REEP2: variants seen among roughly 807,000 people sequenced by gnomAD.
REEP2 encodes the protein receptor expression-enhancing protein 2.
In REEP2, 9 loss-of-function variants were observed where a neutral mutation model predicts 32.1. The ratio of observed to expected loss-of-function variants is 0.28; its 90% CI spans 0.17 to 0.49. The LOEUF (loss-of-function observed/expected upper bound fraction) is 0.49. Ranked by LOEUF, REEP2 falls within the 20% of genes least tolerant of loss-of-function variation. The probability of loss-of-function intolerance (pLI) is 0.99; values close to 1 mark genes in which losing one functional copy is unlikely to be tolerated. For synonymous variants in REEP2, 128 were observed against 139.1 expected (o/e 0.92, Z 0.56); for missense variants, 236 against 338.0 (o/e 0.70, Z 2.37).
intron 3 of REEP2, 194 bp from the exon 4 acceptor site, chr5:138,444,221 T>A: frequency 1.8e-6 from 1 of 563,534 alleles, no homozygotes; most frequent in East Asian, 3.1e-5. Flanking sequence ...ACTGCTTACC[T>A]TCCTGTTTGG....
In REEP2 at chr5:138,446,235, G is replaced by GGCCTCCAGGTGCA. The variant is rs1369794528; in HGVS notation, c.*487_*499dup. 6.3e-6 allele frequency: 1 copy of GGCCTCCAGGTGCA among 158,068 alleles called. No individual in the cohort carries two copies. The highest frequency in any genetic ancestry group is 2.4e-5 in the African/African-American group (1 of 41,494). 9.8% of individuals were successfully genotyped at this position (158,068 alleles called of 1,614,324 possible). On this transcript the variant is annotated 3_prime_UTR_variant, in exon 8 of 8. Transcript: ENST00000378339. ...GGAGGACGTTGGGGACCCTGGGTGG[G>GGCCTCCAGGTGCA]GCCTCCAGGTGCAGCTGTGGATGGA...
At chr5:138,440,234 G>T (rs959047860) in intron 1 of REEP2, among the ~76,000 whole-genome samples, 4 of 152,208 alleles carry the variant, frequency 2.6e-5, no homozygotes, top group Non-Finnish European at 5.9e-5. Flanking sequence ...GGTACAGCCG[G>T]GCCGGCCAAG....
chr5:138,441,470 C>T lies in REEP2; in HGVS notation c.182+9C>T, dbSNP rs994042154. The T allele has an allele frequency of 1.2e-6, 2 of 1,613,258 alleles. No individual in the cohort carries two copies. The highest frequency in any genetic ancestry group is 3.3e-5 in the Admixed American group (2 of 60,002). On this transcript the variant is annotated intron_variant, in intron 3 of 7. Transcript: ENST00000378339. This position sits in a 1 kb window ranked among gnomAD's most constrained non-coding sequence, Gnocchi z 4.4. ...GATATAGTGCTCTCCTGGTGAGGTCCAGCGTCCCCTCCTGTATCTCAGGGC... is the reference window on the plus strand; with the variant it reads ...GATATAGTGCTCTCCTGGTGAGGTCTAGCGTCCCCTCCTGTATCTCAGGGC...
chr5:138,439,568 C>T, intron 1 of REEP2: 3 of 498,024 alleles, frequency 6.0e-6, no homozygotes, highest in Non-Finnish European at 1.2e-5. Flanking sequence ...TCCCCTCCCC[C>T]ACCTAGCAGG....
chr5:138,445,847 T>A lies in REEP2; in HGVS notation c.*96T>A. 1 of 1,240,296 alleles carries A rather than the reference T, an allele frequency of 8.1e-7. No individual in the cohort carries two copies. The highest frequency in any genetic ancestry group is 1.1e-6 in the Non-Finnish European group (1 of 890,608). The allele number at this position is 1,240,296 out of a possible 1,614,324, so 76.8% of individuals were successfully genotyped here. A position where few individuals can be genotyped will look rare whatever the true frequency, so the allele number is the denominator to read the frequency against. The stretch of plus-strand genomic sequence containing the variant: ...CCACACTGTGCCAGTAGCCTAGGTG[T>A]CTCAGGCCCCTGGGCCCCGCAGATG... On this transcript the variant is annotated 3_prime_UTR_variant, in exon 8 of 8. Transcript: ENST00000378339.
At position 138,445,903 on chromosome 5, in the gene REEP2, C is replaced by A; in HGVS notation, c.*152C>A. The A allele has an allele frequency of 1.4e-6, 1 of 717,326 alleles. No homozygotes were observed. The highest frequency in any genetic ancestry group is 2.3e-6 in the Non-Finnish European group (1 of 432,172). 44.4% of individuals were successfully genotyped at this position (717,326 alleles called of 1,614,324 possible). A position where few individuals can be genotyped will look rare whatever the true frequency, so the allele number is the denominator to read the frequency against. ...TTCCGGTGCCTGCCCAGTGGCCACT[C>A]TTCTGGAAGGGGCTTGGAAAAGAGG... is the stretch of plus-strand genomic sequence containing the variant. On this transcript the variant is annotated 3_prime_UTR_variant, in exon 8 of 8. Coordinates refer to ENST00000378339, the MANE Select transcript of REEP2 (RefSeq NM_001271803.2).
chr5:138,439,642 G>A (rs1297065578), intron 1 of REEP2: 1 of 465,220 alleles, frequency 2.1e-6, no homozygotes, highest in East Asian at 6.6e-5. Context: ...CAGGGTGATG[G>A]AAGAGAGTGG....
intron 1 of REEP2, among the ~76,000 whole-genome samples, chr5:138,440,516 T>TG: frequency 6.6e-6 from 1 of 152,330 alleles, no homozygotes; most frequent in Middle Eastern, 3.4e-3. Flanking sequence ...CTCCTGCCCC[T>TG]GTGCCCTCTG....
In REEP2 at chr5:138,446,324, CT is replaced by C; in HGVS notation, c.*577del. 6.5e-6 allele frequency: 1 copy of C among 153,886 alleles called. No homozygotes were observed. Among genetic ancestry groups the C allele is most frequent in the Non-Finnish European group, 1.4e-5 (1 of 69,296 alleles). 9.5% of individuals were successfully genotyped at this position (153,886 alleles called of 1,614,324 possible). A position where few individuals can be genotyped will look rare whatever the true frequency, so the allele number is the denominator to read the frequency against. On this transcript the variant is annotated 3_prime_UTR_variant, in exon 8 of 8. Transcript: ENST00000378339. ...CAGGCCAGAGCTGCAGCTGGGGGCT[CT>C]TTTCCTGGTCATTGGGTGGGGCTGA...
Position 138,441,219 on chromosome 5 carries a change from A to G in REEP2, c.105+131A>G. 7.2e-7 allele frequency: 1 copy of G among 1,382,574 alleles called. No individual in the cohort carries two copies. The allele number at this position is 1,382,574 out of a possible 1,614,324, so 85.6% of individuals were successfully genotyped here. A position where few individuals can be genotyped will look rare whatever the true frequency, so the allele number is the denominator to read the frequency against. On this transcript the variant is annotated intron_variant, in intron 2 of 7. Coordinates refer to ENST00000378339, the MANE Select transcript of REEP2 (RefSeq NM_001271803.2). The surrounding 1 kb of genome is among the most constrained non-coding windows in gnomAD (Gnocchi z 4.4). ...CACTAACAAGACCCACCAGCAAAGG[A>G]GGGCCCTGGGTGTCCCACACAGCGC...
At position 138,446,835 on chromosome 5, in the gene REEP2, T is replaced by C. The variant is rs573092835; in HGVS notation, c.*1084T>C. On this transcript the variant is annotated 3_prime_UTR_variant, in exon 8 of 8. Coordinates refer to ENST00000378339, the MANE Select transcript of REEP2 (RefSeq NM_001271803.2). ...GCCCCAGCTTCTGCCACGGCTTCAG[T>C]CAGGGCCAGGAGGAACACGTGAAGG... is the stretch of plus-strand genomic sequence containing the variant. 1 of 152,476 alleles carries C rather than the reference T, an allele frequency of 6.6e-6. No homozygotes were observed. The highest frequency in any genetic ancestry group is 2.1e-4 in the South Asian group (1 of 4,820). 9.4% of individuals were successfully genotyped at this position (152,476 alleles called of 1,614,324 possible).
intron 1 of REEP2, chr5:138,439,554 C>G: frequency 4.0e-6 from 2 of 498,970 alleles, no homozygotes; most frequent in Non-Finnish European, 7.6e-6. Context: ...GGGAGGCAGG[C>G]GCGTCCCCTC....
Position 138,445,836 on chromosome 5 carries a change from T to A in REEP2, c.*85T>A. ...CAGCCCCTGCTCCACACTGTGCCAG[T>A]AGCCTAGGTGTCTCAGGCCCCTGGG... On this transcript the variant is annotated 3_prime_UTR_variant, in exon 8 of 8. Transcript: ENST00000378339. 1 of 1,346,374 alleles carries A rather than the reference T, an allele frequency of 7.4e-7. No individual in the cohort carries two copies. The highest frequency in any genetic ancestry group is 1.0e-6 in the Non-Finnish European group (1 of 979,436). 83.4% of individuals were successfully genotyped at this position (1,346,374 alleles called of 1,614,324 possible).
chr5:138,441,442 AC>A lies in REEP2; in HGVS notation c.164del (p.Thr55ArgfsTer3). ...FAFFTTAETL[T>X]DIVLSWFPFY... ...CTTCTTCACCACGGCCGAGACGCTCACGGATATAGTGCTCTCCTGGTGAGGT... is the reference window on the plus strand; with the variant it reads ...CTTCTTCACCACGGCCGAGACGCTCAGGATATAGTGCTCTCCTGGTGAGGT... On this transcript the variant is annotated frameshift_variant, in exon 3 of 8. Coordinates refer to ENST00000378339, the MANE Select transcript of REEP2 (RefSeq NM_001271803.2). LOFTEE classifies it high-confidence loss of function. This position sits in a 1 kb window ranked among gnomAD's most constrained non-coding sequence, Gnocchi z 4.4. 1 of 1,614,124 alleles carries A rather than the reference AC, an allele frequency of 6.2e-7. No individual in the cohort carries two copies. Among genetic ancestry groups the A allele is most frequent in the Non-Finnish European group, 8.5e-7 (1 of 1,180,000 alleles).
At position 138,445,507 on chromosome 5, in the gene REEP2, C is replaced by T. The variant is rs111927109; in HGVS notation, c.605C>T (p.Pro202Leu). Residue 202 changes from proline to leucine, a missense_variant, in exon 7 of 8, where the codon CCG becomes CTG. Physicochemically the swap from Pro to Leu is moderately conservative, Grantham distance 98 (BLOSUM62 -3). Transcript: ENST00000378339. ...CTGAGTCTAAGGTCCAGCACAAACC[C>T]GGCAGATTCCCGGACAGAGGCTTCT... is the stretch of plus-strand genomic sequence containing the variant. ...PALSLRSSTN[P>L]ADSRTEASED... The T allele has an allele frequency of 4.0e-4, 644 of 1,614,168 alleles. 3 individuals carry two copies. The African/African-American group carries it at 5.7e-3, about 14-fold the overall frequency.
chr5:138,445,071 G>A, intron 5 of REEP2, 157 bp from the exon 6 acceptor site: 1 of 915,378 alleles, frequency 1.1e-6, no homozygotes, highest in Non-Finnish European at 1.7e-6. Context: ...GAGGCAAAGT[G>A]TGGCCCTGCC....
rs1383960005 is a variant in REEP2, at chr5:138,446,290, C to G, written c.*539C>G. On this transcript the variant is annotated 3_prime_UTR_variant, in exon 8 of 8. Coordinates refer to ENST00000378339, the MANE Select transcript of REEP2 (RefSeq NM_001271803.2). Reference sequence around the variant, plus strand: ...AGGGATTGGCCTGTGCTTCAGCGACCAGGATGGCCAGGCCAGAGCTGCAGC... The same window carrying G: ...AGGGATTGGCCTGTGCTTCAGCGACGAGGATGGCCAGGCCAGAGCTGCAGC... The G allele has an allele frequency of 6.5e-6, 1 of 154,394 alleles. No homozygotes were observed. The highest frequency in any genetic ancestry group is 6.4e-5 in the Admixed American group (1 of 15,670). 9.6% of individuals were successfully genotyped at this position (154,394 alleles called of 1,614,324 possible). A position where few individuals can be genotyped will look rare whatever the true frequency, so the allele number is the denominator to read the frequency against.
chr5:138,441,228 G>T lies in REEP2; in HGVS notation c.105+140G>T, dbSNP rs1561805660. On this transcript the variant is annotated intron_variant, in intron 2 of 7. Transcript: ENST00000378339. The surrounding 1 kb of genome is among the most constrained non-coding windows in gnomAD (Gnocchi z 4.4). ...GACCCACCAGCAAAGGAGGGCCCTG[G>T]GTGTCCCACACAGCGCCTCCAACAT... 7.5e-7 allele frequency: 1 copy of T among 1,328,996 alleles called. No individual in the cohort carries two copies. The highest frequency in any genetic ancestry group is 2.3e-5 in the East Asian group (1 of 42,814). 82.3% of individuals were successfully genotyped at this position (1,328,996 alleles called of 1,614,324 possible). A position where few individuals can be genotyped will look rare whatever the true frequency, so the allele number is the denominator to read the frequency against.
intron 7 of REEP2, 36 bp from the exon 8 acceptor site, chr5:138,445,647 C>A (rs746213230): frequency 1.2e-6 from 2 of 1,614,130 alleles, no homozygotes; most frequent in Non-Finnish European, 8.5e-7. Flanking sequence ...GGTGGCGGCT[C>A]CAGGCTGAGC....
Sources: allele counts gnomAD v4.1 joint callset (sites outside exome capture counted in the v4.1 genomes callset), GRCh38; gene constraint gnomAD v4.1.1; non-coding constraint Gnocchi (gnomAD v3.1); transcripts MANE v1.5; gene names NCBI Gene and HGNC (gene_info 2026-07-23, HGNC 2026-07-21).